The following CEP164 variants were observed in gnomAD, a reference collection of about 807,000 sequenced individuals.
The protein encoded by CEP164 is centrosomal protein 164.
CEP164 carries 162 observed loss-of-function variants against 182.7 expected under a neutral mutation model. The ratio of observed to expected loss-of-function variants is 0.89; its 90% CI spans 0.78 to 1.01. The LOEUF is 1.01. Among genes scored for constraint, CEP164 ranks in the 50% least tolerant of loss-of-function variants. The pLI is 0.00. For synonymous variants in CEP164, 661 were observed against 690.0 expected (o/e 0.96, Z 0.66); for missense variants, 1,735 against 1,790.4 (o/e 0.97, Z 0.56).
chr11:117,371,289 G>T lies in CEP164; in HGVS notation c.975G>T (p.Arg325Ser), dbSNP rs775565527. Reference protein sequence around the residue: ...ENEKSEPKICRNLVTPKADPT... With the variant: ...ENEKSEPKICSNLVTPKADPT... ...AGAAGAGTGAACCTAAGATTTGCAG[G>T]AATCTGGTGACCCCCAAGGCAGACC... Residue 325 changes from arginine to serine, a missense_variant, in exon 9 of 33, where the codon AGG becomes AGT. Arg to Ser is a moderately radical substitution (Grantham distance 110, BLOSUM62 -1). Transcript: ENST00000278935. The T allele has an allele frequency of 2.5e-6, 4 of 1,614,070 alleles. No individual in the cohort carries two copies.
chr11:117,367,498 C>T (rs979446257), intron 8 of CEP164, among the ~76,000 whole-genome samples: 7 of 152,136 alleles, frequency 4.6e-5, no homozygotes, highest in African/African-American at 7.2e-5. Context: ...TATTCTCTCA[C>T]GTGTAAGAAT....
chr11:117,403,560 G>A (rs923737311), intron 27 of CEP164, among the ~76,000 whole-genome samples: 5 of 152,208 alleles, frequency 3.3e-5, no homozygotes, highest in South Asian at 2.1e-4. Flanking sequence ...TGGGTAACCC[G>A]ACCTTTCTCT....
chr11:117,409,598 A>G lies in CEP164; in HGVS notation c.3749-20A>G, dbSNP rs770781587. 1.3e-6 allele frequency: 2 copies of G among 1,588,812 alleles called. No individual in the cohort carries two copies. ...TCCTGAGCTTGAGTCCCTTCCCACC[A>G]TCCACCTCTTTTCTTTCAGTCGACT... On this transcript the variant is annotated intron_variant, in intron 29 of 32. Transcript: ENST00000278935. The surrounding 1 kb of genome is among the most constrained non-coding windows in gnomAD (Gnocchi z 4.4).
chr11:117,359,333 A>G (rs779655477), intron 5 of CEP164: 15 of 818,702 alleles, frequency 1.8e-5, no homozygotes, highest in Non-Finnish European at 2.2e-5. Flanking sequence ...TTGTGAGAGT[A>G]AAATAAGACA....
At chr11:117,380,785 C>A in intron 12 of CEP164, 80 bp downstream of exon 12, 2 of 1,348,798 alleles carry the variant, frequency 1.5e-6, no homozygotes, top group Non-Finnish European at 2.1e-6. Context: ...GCTTTGGTGG[C>A]CGGCCTGGCT....
intron 5 of CEP164, among the ~76,000 whole-genome samples, chr11:117,354,588 G>T (rs1278946011): frequency 6.6e-6 from 1 of 152,086 alleles, no homozygotes; most frequent in Non-Finnish European, 1.5e-5. Context: ...CATGGAGCAA[G>T]GTTTGCAAAC....
intron 8 of CEP164, among the ~76,000 whole-genome samples, chr11:117,370,441 G>A (rs778617720): frequency 2.9e-4 from 44 of 152,204 alleles, no homozygotes; most frequent in Non-Finnish European, 5.0e-4. Context: ...TGGCCAATGG[G>A]GCTGGAGCAA....
At position 117,393,009 on chromosome 11, in the gene CEP164, C is replaced by T. The variant is rs988863724; in HGVS notation, c.2499C>T (p.Ser833=). Residue 833 remains serine (S), a synonymous_variant, in exon 20 of 33, where the codon AGC becomes AGT. Transcript: ENST00000278935. ...YHVAGYEHEL[S]SLLREKRQEV... ...CCCTGCCATCTCCCCTGCAGCTCAG[C>T]AGTCTCCTGCGAGAGAAGCGCCAGG... 6.2e-7 allele frequency: 1 copy of T among 1,613,162 alleles called. No homozygotes were observed.
chr11:117,325,387 A>T (rs1219335241), upstream of CEP164, among the ~76,000 whole-genome samples: 1 of 145,530 alleles, frequency 6.9e-6, no homozygotes, highest in African/African-American at 2.6e-5. Flanking sequence ...AGCCTGGCCT[A>T]CTTTTTTCTT....
At chr11:117,354,611 C>T (rs977267931) in intron 5 of CEP164, among the ~76,000 whole-genome samples, 9 of 152,042 alleles carry the variant, frequency 5.9e-5, no homozygotes, top group Non-Finnish European at 8.8e-5. Context: ...TTGATCTAGT[C>T]GAACCTCCTC....
chr11:117,400,671 GT>G (rs1448048216), intron 27 of CEP164, among the ~76,000 whole-genome samples: 1 of 152,180 alleles, frequency 6.6e-6, no homozygotes, highest in Non-Finnish European at 1.5e-5. Context: ...TTGAGCAGTG[GT>G]TTGTAGTTCC....
intron 4 of CEP164, among the ~76,000 whole-genome samples, chr11:117,348,075 TCCTCC>T (rs1431522035): frequency 3.3e-5 from 5 of 152,080 alleles, no homozygotes; most frequent in African/African-American, 1.2e-4. Context: ...GTTCAAGCGA[TCCTCC>T]CACCTCAGCT....
At chr11:117,345,300 C>T (rs1045263864) in intron 4 of CEP164, among the ~76,000 whole-genome samples, 5 of 152,150 alleles carry the variant, frequency 3.3e-5, no homozygotes, top group African/African-American at 9.7e-5. Flanking sequence ...TCCTCCTCCT[C>T]CTGAGGACTG....
In CEP164 at chr11:117,355,614, AGTT is replaced by A. The variant is rs1375803873; in HGVS notation, c.393+3633_393+3635del. 2.3e-5 allele frequency: 27 copies of A among 1,196,712 alleles called. No homozygotes were observed. The South Asian group carries it at 2.9e-4, about 13-fold the overall frequency. The allele number at this position is 1,196,712 out of a possible 1,614,324, so 74.1% of individuals were successfully genotyped here. On this transcript the variant is annotated intron_variant, in intron 5 of 32. Coordinates refer to ENST00000278935, the MANE Select transcript of CEP164 (RefSeq NM_014956.5). ...CACATGTTGCCTGCCAGGAAGAGCA[AGTT>A]GTTGTTAGATAGCAGCCCTACTGAA...
chr11:117,353,952 T>C (rs1316027669), intron 5 of CEP164, among the ~76,000 whole-genome samples: 1 of 152,142 alleles, frequency 6.6e-6, no homozygotes, highest in African/African-American at 2.4e-5. Flanking sequence ...TCGCGCCCTG[T>C]TAAAAAATTT....
chr11:117,362,348 G>C (rs2041090818), intron 6 of CEP164, 56 bp from the exon 7 acceptor site: 1 of 1,570,218 alleles, frequency 6.4e-7, no homozygotes. Flanking sequence ...GCATTCTAAA[G>C]GTCATTCCAA....
chr11:117,408,974 G>A lies in CEP164; in HGVS notation c.3694G>A (p.Glu1232Lys). 4.3e-6 allele frequency: 7 copies of A among 1,614,128 alleles called. No homozygotes were observed. Among genetic ancestry groups the A allele is most frequent in the Non-Finnish European group, 5.9e-6 (7 of 1,180,008 alleles). Residue 1232 changes from glutamate (E) to lysine (K), a missense_variant, in exon 29 of 33, where the codon GAA (glutamate) becomes AAA (lysine). By Grantham distance (56) the Glu-to-Lys change is moderately conservative (BLOSUM62 1). Coordinates refer to ENST00000278935, the MANE Select transcript of CEP164 (RefSeq NM_014956.5). Reference sequence around the variant, plus strand: ...CAGTGACATGGACAGCCTGAGCAGTGAAAGTTCTGAATCTTTTTCCCCGCC... The same window carrying A: ...CAGTGACATGGACAGCCTGAGCAGTAAAAGTTCTGAATCTTTTTCCCCGCC... ...DLSDMDSLSSESSESFSPPHR... is the reference protein window; with the variant it reads ...DLSDMDSLSSKSSESFSPPHR...
intron 8 of CEP164, among the ~76,000 whole-genome samples, chr11:117,365,187 A>G (rs2135763305): frequency 6.6e-6 from 1 of 152,334 alleles, no homozygotes; most frequent in East Asian, 1.9e-4. Flanking sequence ...GACAATCTCT[A>G]TGAGAATGAG....
intron 19 of CEP164, 118 bp downstream of exon 19, chr11:117,392,745 A>G (rs547932287): frequency 3.3e-5 from 46 of 1,408,732 alleles, no homozygotes; most frequent in East Asian, 4.6e-5. Context: ...AGCTGGGGTT[A>G]GCATTTCTAG....
Sources: gnomAD v4.1 joint callset for allele counts (sites outside exome capture counted in the v4.1 genomes callset) on GRCh38, gnomAD v4.1.1 for gene constraint, Gnocchi (gnomAD v3.1) non-coding constraint, MANE v1.5 for transcripts, NCBI Gene and HGNC (gene_info 2026-07-23, HGNC 2026-07-21) for gene names.